ZBTB34: variants seen among roughly 807,000 people sequenced by gnomAD.
ZBTB34 encodes the protein zinc finger and BTB domain-containing protein 34.
Under a neutral mutation model 33.4 loss-of-function variants are expected in ZBTB34, and 1 was observed. That is an observed-to-expected ratio of 0.03 (90% CI 0.01 to 0.14). The LOEUF is 0.14. ZBTB34 is among the 10% of genes least tolerant of loss of function. ZBTB34 has a pLI of 1.00. For synonymous variants in ZBTB34, 283 were observed against 253.5 expected, an observed-to-expected ratio of 1.12 and a Z score of -1.11; for missense variants, 406 against 657.2, an observed-to-expected ratio of 0.62 and a Z score of 4.18.
At chr9:126,885,101 A>G (rs1287251682) in exon 2 of ZBTB34, 1 of 167,118 alleles carries the variant, frequency 6.0e-6, no homozygotes, top group Non-Finnish European at 1.5e-5. Context: ...CAGAAAAGTC[A>G]TTCACATTGT....
intron 1 of ZBTB34, among the ~76,000 whole-genome samples, chr9:126,874,036 CTTTTTTTTT>C (rs781115278): frequency 1.5e-5 from 1 of 66,070 alleles, no homozygotes; most frequent in African/African-American, 6.2e-5. Flanking sequence ...TGTGTATGTT[CTTTTTTTTT>C]TTTTTTTTTT....
intron 1 of ZBTB34, among the ~76,000 whole-genome samples, chr9:126,867,447 C>CTTTTTTTTTTT (rs201325256): frequency 8.4e-6 from 1 of 119,512 alleles, no homozygotes; most frequent in Non-Finnish European, 1.8e-5. Flanking sequence ...TGTCATTTTT[C>CTTTTTTTTTTT]TTTTTTTTTT....
At chr9:126,861,195 G>T (rs1474356837) in intron 1 of ZBTB34, among the ~76,000 whole-genome samples, 1 of 152,184 alleles carries the variant, frequency 6.6e-6, no homozygotes, top group Admixed American at 6.5e-5. Context: ...CCTTCGGGTG[G>T]CTGCCACGGA....
Position 126,879,774 on chromosome 9 carries a change from C to T in ZBTB34, c.375C>T (p.Ile125=). 6.2e-7 allele frequency: 1 copy of T among 1,613,454 alleles called. No individual in the cohort carries two copies. Reference sequence around the variant, plus strand: ...GTGTCATTGACAAGTGCACGCAGATCCTAGAGAGCATCCATTCCAAAATCA... The same window carrying T: ...GTGTCATTGACAAGTGCACGCAGATTCTAGAGAGCATCCATTCCAAAATCA... Residue 125 remains isoleucine (I), a synonymous_variant, in exon 2 of 2, where the codon ATC becomes ATT. Transcript: ENST00000319119. The surrounding 1 kb of genome is among the most constrained non-coding windows in gnomAD (Gnocchi z 6.4).
chr9:126,867,617 G>A (rs866539111), intron 1 of ZBTB34, among the ~76,000 whole-genome samples: 2 of 151,676 alleles, frequency 1.3e-5, no homozygotes, highest in Middle Eastern at 3.4e-3. Flanking sequence ...GGCTTTTGGC[G>A]AAAAGGGGTA....
chr9:126,867,765 G>GTT (rs767842030), intron 1 of ZBTB34, among the ~76,000 whole-genome samples: 4 of 131,210 alleles, frequency 3.0e-5, no homozygotes, highest in African/African-American at 8.4e-5. Context: ...TCATTTTTTT[G>GTT]TTTTTTTTTT....
At chr9:126,862,196 G>T (rs1303466016) in intron 1 of ZBTB34, among the ~76,000 whole-genome samples, 1 of 152,178 alleles carries the variant, frequency 6.6e-6, no homozygotes, top group Non-Finnish European at 1.5e-5. Flanking sequence ...GAGGAATCAG[G>T]CCCAGTGATC....
Position 126,880,877 on chromosome 9 carries a change from G to A in ZBTB34, c.1478G>A (p.Arg493Gln), listed in dbSNP as rs139670402. The A allele has an allele frequency of 3.1e-6, 5 of 1,612,714 alleles. No homozygotes were observed. In the East Asian group the frequency reaches 6.7e-5, roughly 22 times the overall value. Residue 493 changes from arginine to glutamine, a missense_variant, in exon 2 of 2, where the codon CGG becomes CAG. Physicochemically the swap from Arg to Gln is conservative, Grantham distance 43. This residue lies in a region of ZBTB34 where 58 missense variants were observed against 58.7 expected (regional missense o/e 0.99). Coordinates refer to ENST00000319119, the Ensembl canonical transcript of ZBTB34. The surrounding 1 kb of genome is among the most constrained non-coding windows in gnomAD (Gnocchi z 6.7). Reference sequence around the variant, plus strand: ...GCCTCAGAGATGGGCCTAGATTCCCGGATGGAAATTCACACAGTGTCTGAT... The same window carrying A: ...GCCTCAGAGATGGGCCTAGATTCCCAGATGGAAATTCACACAGTGTCTGAT...
At chr9:126,873,087 A>C (rs2033302691) in intron 1 of ZBTB34, among the ~76,000 whole-genome samples, 2 of 152,158 alleles carry the variant, frequency 1.3e-5, no homozygotes, top group Admixed American at 1.3e-4. Flanking sequence ...CCACACCTTT[A>C]AAAAGCCTGA....
chr9:126,861,267 G>C (rs1343856155), intron 1 of ZBTB34, among the ~76,000 whole-genome samples: 1 of 152,208 alleles, frequency 6.6e-6, no homozygotes, highest in African/African-American at 2.4e-5. Flanking sequence ...GGTTGCGCTT[G>C]GCCCCAGACG....
At chr9:126,884,454 TTTTG>T in exon 2 of ZBTB34, 1 of 164,420 alleles carries the variant, frequency 6.1e-6, no homozygotes, top group East Asian at 2.3e-4. Context: ...CAGTTGTGTT[TTTTG>T]TTGTTGTTGT....
intron 1 of ZBTB34, among the ~76,000 whole-genome samples, chr9:126,877,052 G>C (rs1430905704): frequency 6.6e-6 from 1 of 152,058 alleles, no homozygotes; most frequent in Admixed American, 6.6e-5. Flanking sequence ...CTGTCTTTGG[G>C]CATCATTTGT....
At position 126,864,124 on chromosome 9, in the gene ZBTB34, AG is replaced by A. The variant is rs543716290; in HGVS notation, c.-11+3386del. On this transcript the variant is annotated intron_variant, in intron 1 of 1. Transcript: ENST00000319119. The stretch of plus-strand genomic sequence containing the variant: ...ACCAATAAAAATCCTGCATCTCACC[AG>A]TATGCCTGGATTAAAATCTTACTCT... 5.9e-5 allele frequency among the ~76,000 whole-genome samples: 9 copies of A among 152,316 alleles called. No homozygotes were observed. In the South Asian group the frequency reaches 1.2e-3, roughly 21 times the overall value.
At chr9:126,877,068 C>A (rs1464759586) in intron 1 of ZBTB34, among the ~76,000 whole-genome samples, 3 of 152,036 alleles carry the variant, frequency 2.0e-5, no homozygotes, top group Non-Finnish European at 2.9e-5. Context: ...TTTGTTTTTC[C>A]TTTTCTGACC....
chr9:126,875,444 C>T (rs1398623428), intron 1 of ZBTB34, among the ~76,000 whole-genome samples: 1 of 152,044 alleles, frequency 6.6e-6, no homozygotes, highest in African/African-American at 2.4e-5. Flanking sequence ...GAGAGTGTCT[C>T]TCTTTATGGT....
At chr9:126,877,502 A>G (rs2033377436) in intron 1 of ZBTB34, among the ~76,000 whole-genome samples, 1 of 152,172 alleles carries the variant, frequency 6.6e-6, no homozygotes, top group East Asian at 1.9e-4. Context: ...TATAATTGTT[A>G]GATCTGGTTT....
At chr9:126,882,988 T>C (rs930910535) in exon 2 of ZBTB34, 12 of 167,012 alleles carry the variant, frequency 7.2e-5, no homozygotes, top group African/African-American at 2.9e-4. Flanking sequence ...GCGGCTTTGC[T>C]AAATCGGGTA....
chr9:126,872,803 CTG>C (rs2033298019), intron 1 of ZBTB34, among the ~76,000 whole-genome samples: 2 of 152,152 alleles, frequency 1.3e-5, no homozygotes, highest in African/African-American at 4.8e-5. Context: ...CTCATTGTCA[CTG>C]TGGAAAGGAA....
At chr9:126,875,817 T>A (rs1015079714) in intron 1 of ZBTB34, among the ~76,000 whole-genome samples, 1 of 152,136 alleles carries the variant, frequency 6.6e-6, no homozygotes, top group Non-Finnish European at 1.5e-5. Context: ...TCTGAAATAA[T>A]GTTAAGTGAG....
Sources: gnomAD v4.1 joint callset for allele counts (sites outside exome capture counted in the v4.1 genomes callset) on GRCh38, gnomAD v4.1.1 for gene constraint, gnomAD v4.1.1 regional missense constraint, Gnocchi (gnomAD v3.1) non-coding constraint, MANE v1.5 for transcripts, NCBI Gene and HGNC (gene_info 2026-07-23, HGNC 2026-07-21) for gene names.